Variants in CSMD1 observed in about 807,000 individuals in gnomAD.
CSMD1 encodes the protein CUB and sushi domain-containing protein 1.
A neutral mutation model predicts 417.5 loss-of-function variants in CSMD1; 213 were observed. The ratio of observed to expected loss-of-function variants is 0.51; its 90% confidence interval spans 0.46 to 0.57. The LOEUF (loss-of-function observed/expected upper bound fraction) is 0.57, where lower values mean the gene tolerates loss of function less well. Ranked by LOEUF, CSMD1 falls within the 20% of genes least tolerant of loss-of-function variation. The pLI, the probability that CSMD1 is intolerant of heterozygous loss-of-function variation, is 0.00. For missense variants in CSMD1, 6,923 were observed against 4,529.7 expected (o/e 1.53, Z -15.17); for synonymous variants, 2,862 against 1,736.8 (o/e 1.65, Z -16.11).
At chr8:3,656,090 C>T (rs1798088040) in intron 7 of CSMD1, among the ~76,000 whole-genome samples, 2 of 152,184 alleles carry the variant, frequency 1.3e-5, no homozygotes, top group Non-Finnish European at 1.5e-5. Flanking sequence ...CTGCTACACA[C>T]AGATGCTACC....
At chr8:3,031,735 A>AT (rs989840564) in intron 50 of CSMD1, among the ~76,000 whole-genome samples, 1 of 151,900 alleles carries the variant, frequency 6.6e-6, no homozygotes, top group African/African-American at 2.4e-5. Flanking sequence ...GAATCAGACA[A>AT]TTTTTTGAGC....
At chr8:4,289,651 A>G (rs1797251183) in intron 3 of CSMD1, among the ~76,000 whole-genome samples, 1 of 152,178 alleles carries the variant, frequency 6.6e-6, no homozygotes, top group Non-Finnish European at 1.5e-5. Context: ...GCAGCTGTCC[A>G]TGGTCCTGAG....
At chr8:4,867,254 C>A (rs951918942) in intron 1 of CSMD1, among the ~76,000 whole-genome samples, 3 of 151,970 alleles carry the variant, frequency 2.0e-5, no homozygotes, top group Non-Finnish European at 4.4e-5. Flanking sequence ...GTTAAATATG[C>A]AAATTGATAA....
chr8:4,461,241 T>TA (rs1169395053), intron 2 of CSMD1, among the ~76,000 whole-genome samples: 1 of 152,118 alleles, frequency 6.6e-6, no homozygotes, highest in African/African-American at 2.4e-5. Context: ...TTCAACCTGA[T>TA]AAAAGTCACC....
chr8:3,710,804 G>C (rs1336361537), intron 6 of CSMD1, among the ~76,000 whole-genome samples: 1 of 152,134 alleles, frequency 6.6e-6, no homozygotes, highest in Non-Finnish European at 1.5e-5. Flanking sequence ...AAGGCTCACA[G>C]ATGCACAGGG....
At chr8:3,830,516 G>A (rs753074836) in intron 5 of CSMD1, among the ~76,000 whole-genome samples, 1 of 152,278 alleles carries the variant, frequency 6.6e-6, no homozygotes, top group South Asian at 2.1e-4. Context: ...TGTGAAGACT[G>A]TTATGTCCTT....
chr8:3,947,475 A>G (rs1303163240), intron 5 of CSMD1, among the ~76,000 whole-genome samples: 2 of 152,088 alleles, frequency 1.3e-5, no homozygotes, highest in African/African-American at 2.4e-5. Flanking sequence ...ATCCAGTTTA[A>G]TTTTTTAATT....
rs1335222820 is a variant in CSMD1, at chr8:4,303,615, G to C, written c.415+116338C>G. Among the ~76,000 whole-genome samples, 3 of 151,960 alleles carry C rather than the reference G, an allele frequency of 2.0e-5. 1 individual carries two copies. In the South Asian group the frequency reaches 6.3e-4, roughly 32 times the overall value. On this transcript the variant is annotated intron_variant, in intron 3 of 69. Coordinates refer to ENST00000635120, the MANE Select transcript of CSMD1 (RefSeq NM_033225.6). ...CCTTCTGGACATTGTCATATGAAGA[G>C]AGTTCTACCAGAGGTGACTGGGAAG...
intron 5 of CSMD1, among the ~76,000 whole-genome samples, chr8:3,856,873 G>C (rs944449379): frequency 4.4e-4 from 67 of 152,152 alleles, no homozygotes; most frequent in African/African-American, 1.6e-3. Flanking sequence ...ATGGACATGA[G>C]TCATGAAATG....
At chr8:4,122,143 C>G (rs980278874) in intron 3 of CSMD1, among the ~76,000 whole-genome samples, 3 of 151,932 alleles carry the variant, frequency 2.0e-5, no homozygotes, top group Admixed American at 6.6e-5. Context: ...TACATAATGT[C>G]GCTAAGTTAT....
intron 1 of CSMD1, among the ~76,000 whole-genome samples, chr8:4,820,950 C>A (rs557191931): frequency 7.2e-5 from 11 of 152,272 alleles, no homozygotes; most frequent in African/African-American, 2.6e-4. Context: ...TTTCCTCAAG[C>A]TTTACTTTCG....
At chr8:4,937,128 G>C (rs2117217974) in intron 1 of CSMD1, among the ~76,000 whole-genome samples, 1 of 152,302 alleles carries the variant, frequency 6.6e-6, no homozygotes, top group South Asian at 2.1e-4. Context: ...GTGGAGGACT[G>C]CTTGGGCCCA....
chr8:4,495,313 C>T (rs977009889), intron 2 of CSMD1, among the ~76,000 whole-genome samples: 8 of 152,148 alleles, frequency 5.3e-5, no homozygotes, highest in South Asian at 2.1e-4. Context: ...CGGTGGCTCA[C>T]GCCTGTAATC....
intron 5 of CSMD1, among the ~76,000 whole-genome samples, chr8:3,861,952 G>A (rs1804739704): frequency 6.6e-6 from 1 of 152,022 alleles, no homozygotes; most frequent in East Asian, 1.9e-4. Flanking sequence ...TTTGTACCCT[G>A]GTTTAATATC....
At chr8:3,261,562 C>G (rs1186496902) in intron 26 of CSMD1, among the ~76,000 whole-genome samples, 2 of 152,218 alleles carry the variant, frequency 1.3e-5, no homozygotes, top group South Asian at 2.1e-4. Context: ...TTCATCACAG[C>G]TGTACTCATA....
At position 3,387,400 on chromosome 8, in the gene CSMD1, C is replaced by T. The variant is rs1811071159; in HGVS notation, c.2782+94G>A. The T allele has an allele frequency of 6.8e-6, 7 of 1,031,210 alleles. No homozygotes were observed. In the East Asian group the frequency reaches 7.9e-5, roughly 12 times the overall value. The allele number at this position is 1,031,210 out of a possible 1,614,324, so 63.9% of individuals were successfully genotyped here. A position where few individuals can be genotyped will look rare whatever the true frequency, so the allele number is the denominator to read the frequency against. ...GGAACTCACGCCAGTCGTAAGGTAC[C>T]ACCCCCTGAAATACACACACCACCC... is the stretch of plus-strand genomic sequence containing the variant. On this transcript the variant is annotated intron_variant, in intron 18 of 69. Coordinates refer to ENST00000635120, the MANE Select transcript of CSMD1 (RefSeq NM_033225.6).
intron 2 of CSMD1, among the ~76,000 whole-genome samples, chr8:4,425,901 C>T (rs563640413): frequency 5.3e-5 from 8 of 151,880 alleles, no homozygotes; most frequent in Non-Finnish European, 8.8e-5. Context: ...TATGTTACTC[C>T]CTATCGTAAT....
chr8:3,633,753 A>G (rs1796898704), intron 7 of CSMD1, among the ~76,000 whole-genome samples: 2 of 152,222 alleles, frequency 1.3e-5, no homozygotes, highest in African/African-American at 4.8e-5. Flanking sequence ...TCCCTTCAGC[A>G]ACCCCATAGG....
intron 61 of CSMD1, 116 bp from the exon 62 acceptor site, chr8:2,961,330 G>A (rs1461893645): frequency 1.6e-5 from 8 of 486,388 alleles, no homozygotes; most frequent in Non-Finnish European, 2.9e-5. Flanking sequence ...TGAGAAATGT[G>A]CAAGATGTTT....
Sources: gnomAD v4.1 joint callset for allele counts (sites outside exome capture counted in the v4.1 genomes callset) on GRCh38, gnomAD v4.1.1 for gene constraint, MANE v1.5 for transcripts, NCBI Gene and HGNC (gene_info 2026-07-23, HGNC 2026-07-21) for gene names.